Variants in REXO4 observed in about 807,000 individuals in gnomAD.
REXO4 encodes RNA exonuclease 4.
A neutral mutation model predicts 39.9 loss-of-function variants in REXO4; 29 were observed. That is an observed-to-expected ratio of 0.73 (90% CI 0.54 to 0.99). The LOEUF (loss-of-function observed/expected upper bound fraction) is 0.99. REXO4 is among the 50% of genes least tolerant of loss of function. The pLI, the probability that REXO4 is intolerant of heterozygous loss-of-function variation, is 0.00. For missense variants in REXO4, 524 were observed against 546.5 expected (o/e 0.96, Z 0.41); for synonymous variants, 184 against 206.2 (o/e 0.89, Z 0.92).
intron 5 of REXO4, 145 bp from the exon 6 acceptor site, chr9:133,408,987 ACG>A (rs1839076387): frequency 3.1e-6 from 1 of 322,074 alleles, no homozygotes; most frequent in African/African-American, 4.5e-5. Context: ...TGTGTGTGTG[ACG>A]GAGTCTTGCT....
Position 133,414,841 on chromosome 9 carries a change from A to T in REXO4, c.396T>A (p.Val132=). Residue 132 remains valine, a synonymous_variant, in exon 2 of 8, where the codon GTT becomes GTA. Coordinates refer to ENST00000371942, the MANE Select transcript of REXO4 (RefSeq NM_020385.4). The part of the protein sequence containing the change: ...GKDQEASRGS[V]PSGSKMDRRA... The stretch of plus-strand genomic sequence containing the variant: ...TCCTGTCCATCTTGGAACCTGAAGG[A>T]ACAGAGCCCCTGCTGGCCTCCTGGT... 2 of 1,614,164 alleles carry T rather than the reference A, an allele frequency of 1.2e-6. No individual in the cohort carries two copies. Among genetic ancestry groups the T allele is most frequent in the Non-Finnish European group, 1.7e-6 (2 of 1,180,026 alleles).
chr9:133,413,048 C>T, intron 2 of REXO4, 127 bp from the exon 3 acceptor site: 4 of 1,008,036 alleles, frequency 4.0e-6, no homozygotes, highest in Non-Finnish European at 4.3e-6. Flanking sequence ...AGGCTGGCCC[C>T]AGACACCCCG....
chr9:133,408,226 G>A (rs1373271003), intron 6 of REXO4, among the ~76,000 whole-genome samples: 4 of 152,054 alleles, frequency 2.6e-5, no homozygotes, highest in Non-Finnish European at 4.4e-5. Flanking sequence ...GGCCAACGAG[G>A]GCAGATCACT....
chr9:133,407,663 ATT>A (rs3214115), intron 7 of REXO4, 142 bp downstream of exon 7: 803 of 480,352 alleles, frequency 1.7e-3, no homozygotes, highest in South Asian at 2.8e-3. Flanking sequence ...CCGCTCTACC[ATT>A]TTTTTTTTTT....
At chr9:133,409,989 A>C (rs1361734518) in intron 5 of REXO4, among the ~76,000 whole-genome samples, 2 of 152,202 alleles carry the variant, frequency 1.3e-5, no homozygotes, top group Non-Finnish European at 2.9e-5. Flanking sequence ...AGGAGCACAC[A>C]GAAGACCTTT....
chr9:133,412,674 G>T lies in REXO4; in HGVS notation c.716+104C>A, dbSNP rs1477001211. The stretch of plus-strand genomic sequence containing the variant: ...CTTAGCAGGACCCTGGGAGGTGCTT[G>T]CCTCATTCACCTCAGGGAGAGGAAA... On this transcript the variant is annotated intron_variant, in intron 3 of 7. Coordinates refer to ENST00000371942, the MANE Select transcript of REXO4 (RefSeq NM_020385.4). 4 of 1,503,256 alleles carry T rather than the reference G, an allele frequency of 2.7e-6. No homozygotes were observed. The African/African-American group carries it at 5.5e-5, about 21-fold the overall frequency. 93.1% of individuals were successfully genotyped at this position (1,503,256 alleles called of 1,614,324 possible).
rs782404626 is a variant in REXO4, at chr9:133,406,972, T to C, written c.1250A>G (p.His417Arg). 6.2e-7 allele frequency: 1 copy of C among 1,612,006 alleles called. No individual in the cohort carries two copies. The change falls in exon 8 of 8, where the codon CAC (histidine) becomes CGC (arginine). Residue 417 changes from histidine to arginine, a missense_variant. Physicochemically the swap from His to Arg is conservative, Grantham distance 29. Coordinates refer to ENST00000371942, the MANE Select transcript of REXO4 (RefSeq NM_020385.4). ...DRRPLLTAPD[H>R]CSDDA ...GGACTGCTAGGCGTCGTCACTGCAG[T>C]GGTCTGGAGCAGTCAGCAGGGGGCG...
chr9:133,417,803 G>A lies in REXO4; in HGVS notation c.42C>T (p.Ser14=), dbSNP rs1554782042. The change falls in exon 1 of 8, where the codon AGC becomes AGT. Residue 14 remains serine (S), a synonymous_variant. Transcript: ENST00000371942. The part of the protein sequence containing the change: ...AKVPASKRAP[S]SPVAKPGPVK... ...CAGGACCCGGCTTAGCCACGGGGCT[G>A]CTCGGGGCGCGCTTGGAGGCGGGGA... 3 of 1,607,084 alleles carry A rather than the reference G, an allele frequency of 1.9e-6. No individual in the cohort carries two copies. In the South Asian group the frequency reaches 3.3e-5, roughly 18 times the overall value.
intron 2 of REXO4, among the ~76,000 whole-genome samples, chr9:133,413,885 C>T (rs1381908999): frequency 6.6e-6 from 1 of 152,190 alleles, no homozygotes; most frequent in East Asian, 1.9e-4. Context: ...CTATCCCAGA[C>T]AGCCTGCCTA....
chr9:133,407,530 TG>T (rs1838958872), intron 7 of REXO4, among the ~76,000 whole-genome samples: 1 of 152,016 alleles, frequency 6.6e-6, no homozygotes, highest in Non-Finnish European at 1.5e-5. Context: ...GCTGCGGGGG[TG>T]GGGGGACCCT....
Position 133,408,792 on chromosome 9 carries a change from A to G in REXO4, c.1050T>C (p.Tyr350=), listed in dbSNP as rs782556882. 36 of 1,597,650 alleles carry G rather than the reference A, an allele frequency of 2.3e-5. No homozygotes were observed. The highest frequency in any genetic ancestry group is 8.0e-5 in the African/African-American group (6 of 74,546). The change falls in exon 6 of 8, where the codon TAT becomes TAC. Residue 350 remains tyrosine, a synonymous_variant. Coordinates refer to ENST00000371942, the MANE Select transcript of REXO4 (RefSeq NM_020385.4). ...CCTTTACTTGACTCTTGAAAGGTTTATATTTCTGTGTGTCCCGAATCTTCT... is the reference window on the plus strand; with the variant it reads ...CCTTTACTTGACTCTTGAAAGGTTTGTATTTCTGTGTGTCCCGAATCTTCT... The part of the protein sequence containing the change: ...PKKKIRDTQK[Y]KPFKSQVKSG...
intron 3 of REXO4, 114 bp downstream of exon 3, chr9:133,412,664 G>A: frequency 1.2e-5 from 18 of 1,458,916 alleles, no homozygotes; most frequent in Non-Finnish European, 1.7e-5. Flanking sequence ...CAGGACCCTG[G>A]GAGGTGCTTG....
At chr9:133,408,257 T>C (rs28534766) in intron 6 of REXO4, among the ~76,000 whole-genome samples, 16,184 of 151,814 alleles carry the variant, frequency 0.11, 1,098 homozygotes, top group African/African-American at 0.19. Flanking sequence ...AGTTTGAGAA[T>C]AGCCAGGGCA....
upstream of REXO4, chr9:133,418,150 C>G (rs1026825652): frequency 7.1e-6 from 3 of 424,228 alleles, no homozygotes; most frequent in South Asian, 6.2e-5. Context: ...CCAGCGGCAT[C>G]CGGGGTCATC....
intron 4 of REXO4, among the ~76,000 whole-genome samples, chr9:133,411,388 G>T (rs1006628704): frequency 6.6e-6 from 1 of 152,202 alleles, no homozygotes; most frequent in African/African-American, 2.4e-5. Flanking sequence ...TTTTAGAGCC[G>T]CCTGGCAGCG....
At chr9:133,413,227 T>A (rs28683508) in intron 2 of REXO4, among the ~76,000 whole-genome samples, 2 of 151,990 alleles carry the variant, frequency 1.3e-5, no homozygotes, top group African/African-American at 4.8e-5. Flanking sequence ...GCCTCCCTAG[T>A]AGCTGGGATT....
At position 133,414,980 on chromosome 9, in the gene REXO4, T is replaced by C. The variant is rs782516075; in HGVS notation, c.257A>G (p.Glu86Gly). Residue 86 changes from glutamate to glycine, a missense_variant, in exon 2 of 8, where the codon GAA (glutamate) becomes GGA (glycine). Coordinates refer to ENST00000371942, the MANE Select transcript of REXO4 (RefSeq NM_020385.4). ...WLLKQKSQAP[E>G]KPLVISQMGS... ...CATCTGAGAGATGACAAGAGGCTTT[T>C]CTGGGGCCTGAGATTTTTGTTTCAG... 1.9e-5 allele frequency: 31 copies of C among 1,594,392 alleles called. No individual in the cohort carries two copies. The highest frequency in any genetic ancestry group is 2.6e-5 in the Non-Finnish European group (31 of 1,174,868).
rs782202519 is a variant in REXO4 at position 133,414,968 on chromosome 9, A to G, written c.269T>C (p.Val90Ala). ...QKSQAPEKPL[V>A]ISQMGSKKKP... ...CTTTTTGGAACCCATCTGAGAGATG[A>G]CAAGAGGCTTTTCTGGGGCCTGAGA... The change falls in exon 2 of 8, where the codon GTC becomes GCC. Residue 90 changes from valine (V) to alanine (A), a missense_variant. Transcript: ENST00000371942. 3.7e-6 allele frequency: 6 copies of G among 1,601,266 alleles called. No homozygotes were observed. In the East Asian group the frequency reaches 1.3e-4, roughly 36 times the overall value.
At chr9:133,407,755 C>A in intron 7 of REXO4, 52 bp downstream of exon 7, 1 of 1,483,848 alleles carries the variant, frequency 6.7e-7, no homozygotes, top group South Asian at 1.2e-5. Context: ...TGTCTGGTTC[C>A]AGGTGGGAAA....
Sources: gnomAD v4.1 joint callset for allele counts (sites outside exome capture counted in the v4.1 genomes callset) on GRCh38, gnomAD v4.1.1 for gene constraint, MANE v1.5 for transcripts, NCBI Gene and HGNC (gene_info 2026-07-23, HGNC 2026-07-21) for gene names.